The following AGMO variants were observed in gnomAD, a reference collection of about 807,000 sequenced individuals.
The protein encoded by AGMO is glyceryl-ether monooxygenase.
Under a neutral mutation model 60.2 loss-of-function variants are expected in AGMO, and 75 were observed. That is an observed-to-expected ratio of 1.25 (90% CI 1.03 to 1.51). The LOEUF (loss-of-function observed/expected upper bound fraction) is 1.51, where lower values mean the gene tolerates loss of function less well. AGMO is among the 40% of genes most tolerant of loss of function. AGMO has a pLI of 0.00. For synonymous variants in AGMO, 261 were observed against 177.1 expected, an observed-to-expected ratio of 1.47 and a Z score of -3.76; for missense variants, 763 against 525.5, an observed-to-expected ratio of 1.45 and a Z score of -4.42.
intron 12 of AGMO, among the ~76,000 whole-genome samples, chr7:15,274,031 A>G (rs1213776672): frequency 1.3e-5 from 2 of 152,150 alleles, no homozygotes; most frequent in Non-Finnish European, 1.5e-5. Flanking sequence ...GGCTGAGACA[A>G]TGGGGTTTTC....
At chr7:15,297,961 T>C (rs756642581) in intron 12 of AGMO, among the ~76,000 whole-genome samples, 16 of 152,214 alleles carry the variant, frequency 1.1e-4, no homozygotes, top group Non-Finnish European at 1.9e-4. Flanking sequence ...AGAAATGTTT[T>C]AGTCCATTTG....
At position 15,387,493 on chromosome 7, in the gene AGMO, T is replaced by G. The variant is rs1334573089; in HGVS notation, c.870A>C (p.Gly290=). 1 of 1,613,832 alleles carries G rather than the reference T, an allele frequency of 6.2e-7. No homozygotes were observed. The highest frequency in any genetic ancestry group is 1.3e-5 in the African/African-American group (1 of 74,882). Residue 290 remains glycine (G), a synonymous_variant, in exon 9 of 13, where the codon GGA becomes GGC. Coordinates refer to ENST00000342526, the MANE Select transcript of AGMO (RefSeq NM_001004320.2). ...SIWTTFWATP[G]FFNKFSVIFK... is the part of the protein sequence containing the mutation. ...ATATGACAGAAAACTTATTGAAGAA[T>G]CCAGGTGTGGCCCAGAATGTAGTCC...
At chr7:15,127,484 T>C in the AGMO span, among the ~76,000 whole-genome samples, 10 of 152,062 alleles carry the variant, frequency 6.6e-5, no homozygotes, top group Non-Finnish European at 1.5e-4. Context: ...TCTTTTGACA[T>C]TGAGAGCAAG....
intron 3 of AGMO, among the ~76,000 whole-genome samples, chr7:15,460,039 G>T (rs1436334001): frequency 6.6e-6 from 1 of 150,980 alleles, no homozygotes; most frequent in Non-Finnish European, 1.5e-5. Context: ...GTTTACCTAC[G>T]TACTTTGTAT....
intron 12 of AGMO, among the ~76,000 whole-genome samples, chr7:15,271,656 A>C (rs939939871): frequency 2.0e-5 from 3 of 152,084 alleles, no homozygotes; most frequent in Non-Finnish European, 4.4e-5. Context: ...GATGCCTTTT[A>C]TTTCTTTCAC....
At chr7:15,373,696 A>G (rs1294698007) in intron 10 of AGMO, among the ~76,000 whole-genome samples, 2 of 152,182 alleles carry the variant, frequency 1.3e-5, no homozygotes, top group Admixed American at 1.3e-4. Context: ...TTTCCATATG[A>G]AAAAATTCTT....
chr7:15,355,494 G>A (rs1348004790), intron 12 of AGMO, among the ~76,000 whole-genome samples: 1 of 99,524 alleles, frequency 1.0e-5, no homozygotes, highest in African/African-American at 4.7e-5. Context: ...AACTGAGTGA[G>A]ACTCTGTCTC....
At chr7:15,299,885 AC>A (rs961229868) in intron 12 of AGMO, among the ~76,000 whole-genome samples, 4,693 of 105,270 alleles carry the variant, frequency 0.045, 261 homozygotes, top group African/African-American at 0.13. Flanking sequence ...ACACACACAC[AC>A]AGTATGTTTT....
At chr7:15,439,151 C>G (rs559366658) in intron 3 of AGMO, among the ~76,000 whole-genome samples, 2 of 152,298 alleles carry the variant, frequency 1.3e-5, no homozygotes, top group South Asian at 4.1e-4. Context: ...GTCATCCCAG[C>G]ACTTTGGGAG....
the AGMO span, among the ~76,000 whole-genome samples, chr7:15,135,677 T>C: frequency 6.6e-6 from 1 of 152,124 alleles, no homozygotes; most frequent in Non-Finnish European, 1.5e-5. Context: ...CAGAGGACTC[T>C]TAAATGTTTC....
chr7:15,349,145 C>G (rs1044568128), intron 12 of AGMO, among the ~76,000 whole-genome samples: 1 of 152,072 alleles, frequency 6.6e-6, no homozygotes, highest in African/African-American at 2.4e-5. Context: ...GCTAAATGTT[C>G]TATATACAGG....
the AGMO span, among the ~76,000 whole-genome samples, chr7:15,175,999 A>G: frequency 6.6e-6 from 1 of 151,982 alleles, no homozygotes; most frequent in Non-Finnish European, 1.5e-5. Flanking sequence ...GGAAGGAATG[A>G]TATCTTCGTA....
At chr7:15,254,678 A>C (rs893262568) in intron 12 of AGMO, among the ~76,000 whole-genome samples, 1 of 152,136 alleles carries the variant, frequency 6.6e-6, no homozygotes, top group African/African-American at 2.4e-5. Context: ...AAAATACGAA[A>C]GATCAATGAG....
intron 12 of AGMO, among the ~76,000 whole-genome samples, chr7:15,349,023 T>C (rs1382785416): frequency 6.6e-6 from 1 of 151,768 alleles, no homozygotes; most frequent in Non-Finnish European, 1.5e-5. Context: ...TTGTGACTTA[T>C]TTCTATGAGT....
intron 10 of AGMO, among the ~76,000 whole-genome samples, chr7:15,373,818 G>A (rs1195150309): frequency 7.2e-5 from 11 of 152,090 alleles, no homozygotes; most frequent in East Asian, 1.9e-4. Context: ...AAGTTGGTAC[G>A]TTTTTAGTAG....
At chr7:15,405,810 TG>T (rs1172828166) in intron 5 of AGMO, among the ~76,000 whole-genome samples, 1 of 151,876 alleles carries the variant, frequency 6.6e-6, no homozygotes, top group Non-Finnish European at 1.5e-5. Context: ...CAGTCTCTTT[TG>T]GGTTCTGAGA....
chr7:15,438,461 T>C (rs576387925), intron 3 of AGMO, among the ~76,000 whole-genome samples: 1 of 152,354 alleles, frequency 6.6e-6, no homozygotes, highest in Admixed American at 6.5e-5. Context: ...GTAATGATTA[T>C]TTTTCATGTT....
chr7:15,131,424 C>T, the AGMO span, among the ~76,000 whole-genome samples: 3 of 152,208 alleles, frequency 2.0e-5, no homozygotes, highest in East Asian at 5.8e-4. Context: ...TCCTTATCTC[C>T]ATTCCAATAA....
chr7:15,440,812 C>G (rs775564738), intron 3 of AGMO, among the ~76,000 whole-genome samples: 23 of 152,182 alleles, frequency 1.5e-4, no homozygotes, highest in Non-Finnish European at 2.2e-4. Context: ...ATTGTCCAAT[C>G]TATTACAAAG....
Sources: gnomAD v4.1 joint callset for allele counts (sites outside exome capture counted in the v4.1 genomes callset) on GRCh38, gnomAD v4.1.1 for gene constraint, MANE v1.5 for transcripts, NCBI Gene and HGNC (gene_info 2026-07-23, HGNC 2026-07-21) for gene names.